KALRN: variants seen among roughly 807,000 people sequenced by gnomAD.
The protein encoded by KALRN is kalirin.
KALRN carries 70 observed loss-of-function variants against 353.7 expected under a neutral mutation model. The observed-to-expected ratio is 0.20, with a 90% CI of 0.16 to 0.24. The LOEUF (loss-of-function observed/expected upper bound fraction) is 0.24. KALRN is among the 10% of genes least tolerant of loss of function. The pLI is 1.00. For synonymous variants in KALRN, 1,391 were observed against 1,434.8 expected, an observed-to-expected ratio of 0.97 and a Z score of 0.69; for missense variants, 2,791 against 3,756.7, an observed-to-expected ratio of 0.74 and a Z score of 6.72.
At chr3:124,127,568 AT>A (rs149995453) in intron 1 of KALRN, among the ~76,000 whole-genome samples, 3,139 of 152,286 alleles carry the variant, frequency 0.021, 98 homozygotes, top group African/African-American at 0.072. Flanking sequence ...TTAGTTATGA[AT>A]GAGATCTTAG....
intron 5 of KALRN, among the ~76,000 whole-genome samples, chr3:124,270,507 TA>T (rs1044398749): frequency 1.3e-5 from 2 of 152,200 alleles, no homozygotes; most frequent in African/African-American, 4.8e-5. Context: ...TAACATATAG[TA>T]AAAAAATTAG....
chr3:124,548,038 G>A (rs1295096604), intron 33 of KALRN, among the ~76,000 whole-genome samples: 1 of 152,162 alleles, frequency 6.6e-6, no homozygotes, highest in African/African-American at 2.4e-5. Context: ...ACTGCCACAA[G>A]GAACTCTCAG....
intron 34 of KALRN, chr3:124,584,509 GC>G: frequency 1.4e-6 from 1 of 729,582 alleles, no homozygotes; most frequent in Non-Finnish European, 1.9e-6. Context: ...CCACCCGTTT[GC>G]CCCGTGCCCA....
intron 1 of KALRN, among the ~76,000 whole-genome samples, chr3:124,114,243 C>A (rs1314750339): frequency 6.6e-6 from 1 of 152,124 alleles, no homozygotes; most frequent in African/African-American, 2.4e-5. Context: ...CCCCTTGGTA[C>A]CTGTTTGTAT....
chr3:124,079,507 C>T (rs745374541), intron 1 of KALRN, among the ~76,000 whole-genome samples: 12 of 152,214 alleles, frequency 7.9e-5, no homozygotes, highest in Admixed American at 7.9e-4. Context: ...ACATTTAGGA[C>T]CCAGAGCCCA....
At chr3:124,095,012 G>C in intron 1 of KALRN, 1 of 1,029,750 alleles carries the variant, frequency 9.7e-7, no homozygotes, top group Non-Finnish European at 1.5e-6. Flanking sequence ...GGGGGGTCAA[G>C]AAGAGAGAGA....
chr3:124,615,227 A>T (rs1468660086), intron 34 of KALRN, among the ~76,000 whole-genome samples: 1 of 152,228 alleles, frequency 6.6e-6, no homozygotes, highest in Non-Finnish European at 1.5e-5. Flanking sequence ...TATTCCTACC[A>T]AAAACACACA....
chr3:124,198,975 GGA>G (rs1486663857), intron 1 of KALRN, among the ~76,000 whole-genome samples: 1 of 152,214 alleles, frequency 6.6e-6, no homozygotes, highest in Non-Finnish European at 1.5e-5. Flanking sequence ...GTCAGTGCTA[GGA>G]GAGAGTCAGG....
intron 43 of KALRN, among the ~76,000 whole-genome samples, chr3:124,659,935 T>C (rs969207019): frequency 6.7e-6 from 1 of 149,848 alleles, no homozygotes; most frequent in African/African-American, 2.4e-5. Context: ...AAGTATAATA[T>C]GTATGTATAT....
At chr3:124,567,758 C>T (rs1429875777) in intron 34 of KALRN, among the ~76,000 whole-genome samples, 1 of 152,102 alleles carries the variant, frequency 6.6e-6, no homozygotes, top group Admixed American at 6.6e-5. Context: ...ACAATTAATC[C>T]AGCTGCCAAG....
intron 56 of KALRN, among the ~76,000 whole-genome samples, chr3:124,701,451 G>A (rs1327990242): frequency 1.4e-5 from 2 of 144,468 alleles, no homozygotes; most frequent in African/African-American, 2.6e-5. Context: ...GCAGTGGCGC[G>A]ATCATAGCTC....
At chr3:124,350,870 T>A (rs2149587961) in intron 10 of KALRN, among the ~76,000 whole-genome samples, 1 of 152,178 alleles carries the variant, frequency 6.6e-6, no homozygotes, top group Non-Finnish European at 1.5e-5. Flanking sequence ...TTACCTGGGG[T>A]TTGTGAGCCA....
intron 1 of KALRN, among the ~76,000 whole-genome samples, chr3:124,179,874 C>T (rs2073330557): frequency 6.6e-6 from 1 of 152,190 alleles, no homozygotes; most frequent in Non-Finnish European, 1.5e-5. Flanking sequence ...ACTGTACTCA[C>T]CTAGTTTCGG....
At chr3:124,668,343 G>A (rs2150335505) in intron 47 of KALRN, among the ~76,000 whole-genome samples, 1 of 152,322 alleles carries the variant, frequency 6.6e-6, no homozygotes, top group East Asian at 1.9e-4. Flanking sequence ...TACGAGTTGA[G>A]GACCTTGAGG....
rs527317468 is a variant in KALRN, at chr3:124,129,027, A to G, written c.73+95214A>G. On this transcript the variant is annotated intron_variant, in intron 1 of 59. Coordinates refer to ENST00000682506, the MANE Select transcript of KALRN (RefSeq NM_001388419.1). Reference sequence around the variant, plus strand: ...ACATCTAGAGAGCCAAGCAGAAACTATGAATTGTGAAATTGAGGGCATAGA... The same window carrying G: ...ACATCTAGAGAGCCAAGCAGAAACTGTGAATTGTGAAATTGAGGGCATAGA... Among the ~76,000 whole-genome samples, 3 of 152,204 alleles carry G rather than the reference A, an allele frequency of 2.0e-5. No homozygotes were observed. The South Asian group carries it at 6.2e-4, about 32-fold the overall frequency.
chr3:124,396,184 T>A (rs967940395), intron 12 of KALRN, among the ~76,000 whole-genome samples: 1 of 152,190 alleles, frequency 6.6e-6, no homozygotes, highest in African/African-American at 2.4e-5. Context: ...CTGCCAGCTC[T>A]GGACAGAAAT....
chr3:124,233,013 A>T (rs2079345608), intron 2 of KALRN, among the ~76,000 whole-genome samples: 2 of 152,110 alleles, frequency 1.3e-5, no homozygotes. Flanking sequence ...ACTATCTTCC[A>T]GCCATCTAAA....
At chr3:124,642,806 G>GTTTTTTTGTTGTTGTTGTTGTTTTTTT (rs1553707032) in intron 37 of KALRN, among the ~76,000 whole-genome samples, 3 of 96,838 alleles carry the variant, frequency 3.1e-5, no homozygotes, top group African/African-American at 4.5e-5. Flanking sequence ...CCCAAGCCTC[G>GTTTTTTTGTTGTTGTTGTTGTTTTTTT]TTTTTTTTTT....
intron 1 of KALRN, among the ~76,000 whole-genome samples, chr3:124,133,611 G>C (rs992957299): frequency 2.6e-5 from 4 of 152,208 alleles, no homozygotes; most frequent in African/African-American, 9.6e-5. Context: ...TTATGGGGAG[G>C]GAGGCGCTAG....
Sources: allele counts gnomAD v4.1 joint callset (sites outside exome capture counted in the v4.1 genomes callset), GRCh38; gene constraint gnomAD v4.1.1; transcripts MANE v1.5; gene names NCBI Gene and HGNC (gene_info 2026-07-23, HGNC 2026-07-21).